Variants in AHRR observed in about 807,000 individuals in gnomAD.
AHRR encodes the protein aryl hydrocarbon receptor repressor.
Under a neutral mutation model 44.0 loss-of-function variants are expected in AHRR, and 28 were observed. The ratio of observed to expected loss-of-function variants is 0.64; its 90% CI spans 0.47 to 0.87. The LOEUF is 0.87. Ranked by LOEUF, AHRR falls within the 40% of genes least tolerant of loss-of-function variation. The pLI is 0.00. For synonymous variants in AHRR, 434 were observed against 407.0 expected (o/e 1.07, Z -0.80); for missense variants, 990 against 953.9 (o/e 1.04, Z -0.50).
intron 4 of AHRR, among the ~76,000 whole-genome samples, chr5:410,513 T>C (rs1377166117): frequency 1.3e-5 from 2 of 151,744 alleles, no homozygotes; most frequent in Non-Finnish European, 2.9e-5. Context: ...TGCCCAGCCA[T>C]AAAAATTTTA....
intron 2 of AHRR, among the ~76,000 whole-genome samples, chr5:350,397 T>C (rs2126386455): frequency 6.6e-6 from 1 of 152,354 alleles, no homozygotes; most frequent in East Asian, 1.9e-4. Flanking sequence ...GTTTCTGTGC[T>C]GATGGGCGTT....
At position 406,788 on chromosome 5, in the gene AHRR, G is replaced by A. The variant is rs1263366398; in HGVS notation, c.352-6556G>A. Among the ~76,000 whole-genome samples the A allele has an allele frequency of 6.6e-6, 1 of 152,166 alleles. No homozygotes were observed. The highest frequency in any genetic ancestry group is 1.5e-5 in the Non-Finnish European group (1 of 68,030). Reference sequence around the variant, plus strand: ...GGGCCACTGCAGTCACGGTGATCCAGGAGTAAGGTGAGACCCCGACATTGG... The same window carrying A: ...GGGCCACTGCAGTCACGGTGATCCAAGAGTAAGGTGAGACCCCGACATTGG... On this transcript the variant is annotated intron_variant, in intron 4 of 10. Transcript: ENST00000684583. The surrounding 1 kb of genome is among the most constrained non-coding windows in gnomAD (Gnocchi z 4.7).
chr5:329,566 G>A (rs1421031101), intron 1 of AHRR, among the ~76,000 whole-genome samples: 2 of 152,156 alleles, frequency 1.3e-5, no homozygotes, highest in African/African-American at 4.8e-5. Context: ...GGATTATACT[G>A]AATCTATAGA....
chr5:402,857 T>C (rs895880148), intron 4 of AHRR, among the ~76,000 whole-genome samples: 1 of 152,180 alleles, frequency 6.6e-6, no homozygotes, highest in Non-Finnish European at 1.5e-5. Context: ...GGAATCCTGT[T>C]CAACCAGAAA....
At chr5:332,770 G>T (rs1730712453) in intron 1 of AHRR, among the ~76,000 whole-genome samples, 1 of 152,104 alleles carries the variant, frequency 6.6e-6, no homozygotes, top group African/African-American at 2.4e-5. Context: ...GTGTGTTGAA[G>T]TCCCCACTAT....
At chr5:365,788 T>C (rs941769821) in intron 3 of AHRR, among the ~76,000 whole-genome samples, 4 of 152,118 alleles carry the variant, frequency 2.6e-5, no homozygotes, top group African/African-American at 9.7e-5. Context: ...CTAGAAAATA[T>C]AACTTATTAA....
intron 8 of AHRR, 120 bp from the exon 9 acceptor site, chr5:432,343 C>A: frequency 1.1e-6 from 1 of 902,782 alleles, no homozygotes; most frequent in Non-Finnish European, 1.8e-6. Flanking sequence ...TTTCTGTCTT[C>A]ACTGCTCAGG....
At position 434,515 on chromosome 5, in the gene AHRR, G is replaced by C. The variant is rs747383165; in HGVS notation, c.1775G>C (p.Arg592Pro). The C allele has an allele frequency of 6.2e-7, 1 of 1,611,952 alleles. No individual in the cohort carries two copies. The highest frequency in any genetic ancestry group is 8.5e-7 in the Non-Finnish European group (1 of 1,179,650). Reference sequence around the variant, plus strand: ...ATCTCGCACCTGGGGCACGGCGTGCGGGGGGCTCAGCCCCATGGGAGGGCC... The same window carrying C: ...ATCTCGCACCTGGGGCACGGCGTGCCGGGGGCTCAGCCCCATGGGAGGGCC... ...VYISHLGHGV[R>P]GAQPHGRATA... Residue 592 changes from arginine (R) to proline (P), a missense_variant, in exon 11 of 11, where the codon CGG (arginine) becomes CCG (proline). By Grantham distance (103) the Arg-to-Pro change is moderately radical. Transcript: ENST00000684583.
At chr5:327,558 C>CT (rs995844984) in intron 1 of AHRR, among the ~76,000 whole-genome samples, 5 of 151,874 alleles carry the variant, frequency 3.3e-5, no homozygotes, top group African/African-American at 7.3e-5. Context: ...TGATTTCATT[C>CT]TTTTTTTATG....
intron 3 of AHRR, among the ~76,000 whole-genome samples, chr5:371,102 G>C (rs1743566071): frequency 6.6e-6 from 1 of 152,148 alleles, no homozygotes; most frequent in Admixed American, 6.5e-5. Flanking sequence ...CCCGCCTGTG[G>C]CCGGAGAATG....
intron 1 of AHRR, among the ~76,000 whole-genome samples, chr5:324,627 A>T (rs1741638533): frequency 6.6e-6 from 1 of 151,696 alleles, no homozygotes; most frequent in Non-Finnish European, 1.5e-5. Context: ...CTTTACTTAA[A>T]AAAATACAAA....
At chr5:422,912 A>C in intron 6 of AHRR, 54 bp downstream of exon 6, 2 of 1,547,332 alleles carry the variant, frequency 1.3e-6, no homozygotes, top group Non-Finnish European at 1.7e-6. Context: ...GTCCCATAAC[A>C]CATCGCTGCC....
intron 3 of AHRR, among the ~76,000 whole-genome samples, chr5:365,161 C>T (rs1743315235): frequency 6.6e-6 from 1 of 151,680 alleles, no homozygotes; most frequent in African/African-American, 2.4e-5. Flanking sequence ...ATTTAGTGGA[C>T]ATACATAAAG....
intron 5 of AHRR, among the ~76,000 whole-genome samples, chr5:414,357 A>G (rs959103005): frequency 6.6e-6 from 1 of 152,164 alleles, no homozygotes; most frequent in African/African-American, 2.4e-5. Flanking sequence ...GGGGTCCCTC[A>G]TGGAAAATCA....
chr5:376,902 C>T (rs1051919112), intron 4 of AHRR, among the ~76,000 whole-genome samples, 186 bp downstream of exon 4: 3 of 152,092 alleles, frequency 2.0e-5, no homozygotes, highest in Non-Finnish European at 2.9e-5. Flanking sequence ...GTCCCTGGGT[C>T]GGGGTCAGCC....
At chr5:376,963 C>T (rs1733736262) in intron 4 of AHRR, among the ~76,000 whole-genome samples, 1 of 152,156 alleles carries the variant, frequency 6.6e-6, no homozygotes, top group Admixed American at 6.5e-5. Context: ...CGAGAGCTCT[C>T]GGCCTTGTGT....
chr5:354,060 A>C, intron 3 of AHRR, 149 bp downstream of exon 3: 1 of 884,110 alleles, frequency 1.1e-6, no homozygotes, highest in Non-Finnish European at 1.7e-6. Flanking sequence ...CAGAACCTGG[A>C]GACTTGGCCC....
chr5:434,334 T>C lies in AHRR; in HGVS notation c.1594T>C (p.Ser532Pro). Residue 532 changes from serine to proline, a missense_variant, in exon 11 of 11, where the codon TCC becomes CCC. Ser to Pro is a moderately conservative substitution (Grantham distance 74). Transcript: ENST00000684583. ...LCGPTLLLDV[S>P]IKMEKDSGCE... ...TGGTCCGACGCTGCTGCTAGATGTG[T>C]CCATCAAGATGGAGAAGGACTCTGG... 3 of 1,612,622 alleles carry C rather than the reference T, an allele frequency of 1.9e-6. No individual in the cohort carries two copies. The highest frequency in any genetic ancestry group is 2.5e-6 in the Non-Finnish European group (3 of 1,179,452).
At chr5:417,593 C>G (rs76646672) in intron 5 of AHRR, among the ~76,000 whole-genome samples, 14 of 152,332 alleles carry the variant, frequency 9.2e-5, no homozygotes, top group Admixed American at 2.6e-4. Flanking sequence ...AGCCATGGCT[C>G]GATGGTCTCA....
Sources: allele counts gnomAD v4.1 joint callset (sites outside exome capture counted in the v4.1 genomes callset), GRCh38; gene constraint gnomAD v4.1.1; non-coding constraint Gnocchi (gnomAD v3.1); transcripts MANE v1.5; gene names NCBI Gene and HGNC (gene_info 2026-07-23, HGNC 2026-07-21).